Variants in LUZP2 observed in about 807,000 individuals in gnomAD.
LUZP2 encodes leucine zipper protein 2.
Under a neutral mutation model 51.6 loss-of-function variants are expected in LUZP2, and 52 were observed. The observed-to-expected ratio is 1.01, with a 90% confidence interval of 0.81 to 1.27. The LOEUF (loss-of-function observed/expected upper bound fraction) is 1.27. Ranked by LOEUF, LUZP2 falls within the 50% of genes most tolerant of loss-of-function variation. The probability of loss-of-function intolerance (pLI) is 0.00; values close to 1 mark genes in which losing one functional copy is unlikely to be tolerated. For missense variants in LUZP2, 436 were observed against 395.4 expected (o/e 1.10, Z -0.87); for synonymous variants, 154 against 137.3 (o/e 1.12, Z -0.85).
chr11:24,829,976 A>G (rs1411914117), intron 5 of LUZP2, among the ~76,000 whole-genome samples: 1 of 152,210 alleles, frequency 6.6e-6, no homozygotes, highest in Non-Finnish European at 1.5e-5. Flanking sequence ...AGATAGGGTA[A>G]CAGTGATGTT....
intron 10 of LUZP2, among the ~76,000 whole-genome samples, chr11:25,051,015 A>T (rs541387767): frequency 6.6e-6 from 1 of 152,322 alleles, no homozygotes; most frequent in Admixed American, 6.5e-5. Context: ...AATGACAACA[A>T]TTGTGTTCAA....
chr11:24,902,183 A>C (rs776303340), intron 5 of LUZP2, among the ~76,000 whole-genome samples: 38 of 152,154 alleles, frequency 2.5e-4, no homozygotes, highest in Admixed American at 2.0e-3. Flanking sequence ...GTTCAGGGGT[A>C]CATGTGCAGG....
chr11:24,969,807 G>A (rs569037496), intron 7 of LUZP2, among the ~76,000 whole-genome samples: 27 of 152,290 alleles, frequency 1.8e-4, no homozygotes, highest in African/African-American at 6.5e-4. Flanking sequence ...ATGTGAGGCA[G>A]AATGGATGAG....
In LUZP2 at chr11:24,786,318, G is replaced by A. The variant is rs1368970676; in HGVS notation, c.396+23010G>A. 33 of 980,778 alleles carry A rather than the reference G, an allele frequency of 3.4e-5. No homozygotes were observed. In the Admixed American group the frequency reaches 5.0e-4, roughly 15 times the overall value. The allele number at this position is 980,778 out of a possible 1,614,324, so 60.8% of individuals were successfully genotyped here. On this transcript the variant is annotated intron_variant, in intron 5 of 11. Transcript: ENST00000336930. The stretch of plus-strand genomic sequence containing the variant: ...ATAGTATGTTTTATTATTTTACCAC[G>A]GGAAAAAAGTAGTCAGAATTCATGG...
At chr11:24,988,924 A>AGAATTATATTTG (rs1041433973) in intron 9 of LUZP2, among the ~76,000 whole-genome samples, 1 of 151,888 alleles carries the variant, frequency 6.6e-6, no homozygotes, top group African/African-American at 2.4e-5. Context: ...CCAAGAAGAC[A>AGAATTATATTTG]CAACACAGAA....
intron 7 of LUZP2, among the ~76,000 whole-genome samples, chr11:24,934,816 A>G (rs1388987146): frequency 6.6e-6 from 1 of 152,268 alleles, no homozygotes; most frequent in East Asian, 1.9e-4. Context: ...TCATATTTGA[A>G]GTAGCTCCTA....
At chr11:24,567,281 A>G (rs1852278839) in intron 1 of LUZP2, among the ~76,000 whole-genome samples, 1 of 152,002 alleles carries the variant, frequency 6.6e-6, no homozygotes, top group Non-Finnish European at 1.5e-5. Context: ...AAACAGAGAT[A>G]ATACAATCTT....
chr11:24,681,796 A>T (rs1038491768), intron 1 of LUZP2, among the ~76,000 whole-genome samples: 3 of 152,182 alleles, frequency 2.0e-5, no homozygotes, highest in African/African-American at 7.2e-5. Context: ...TTTGTACTAT[A>T]CACTATTTAC....
At chr11:24,689,056 C>T (rs894750366) in intron 1 of LUZP2, among the ~76,000 whole-genome samples, 4 of 151,914 alleles carry the variant, frequency 2.6e-5, no homozygotes, top group Non-Finnish European at 5.9e-5. Flanking sequence ...AGGGAGAGAC[C>T]GAGGCAAGTT....
chr11:24,848,479 C>T (rs1421143475), intron 5 of LUZP2, among the ~76,000 whole-genome samples: 1 of 152,158 alleles, frequency 6.6e-6, no homozygotes, highest in Non-Finnish European at 1.5e-5. Flanking sequence ...TGCCTTGTTG[C>T]CCCTATACAT....
intron 1 of LUZP2, among the ~76,000 whole-genome samples, chr11:24,722,579 A>G (rs1290490011): frequency 6.6e-6 from 1 of 152,140 alleles, no homozygotes; most frequent in Non-Finnish European, 1.5e-5. Flanking sequence ...CCATATCAAT[A>G]TTTATATTAT....
intron 9 of LUZP2, among the ~76,000 whole-genome samples, chr11:24,998,033 T>C (rs1301743839): frequency 1.3e-5 from 2 of 152,218 alleles, no homozygotes; most frequent in Non-Finnish European, 2.9e-5. Flanking sequence ...CCTTGTAATA[T>C]AGTTTGAAGT....
intron 9 of LUZP2, among the ~76,000 whole-genome samples, chr11:25,014,177 CTT>C: frequency 6.6e-6 from 1 of 152,254 alleles, no homozygotes; most frequent in South Asian, 2.1e-4. Context: ...GGTTCCAAGT[CTT>C]TGCTATTGTG....
rs1565324744 is a variant in LUZP2 at position 25,082,618 on chromosome 11, CA to C, written c.*3962del. 6.6e-6 allele frequency: 1 copy of C among 151,878 alleles called. No homozygotes were observed. The highest frequency in any genetic ancestry group is 1.5e-5 in the Non-Finnish European group (1 of 67,936). 9.4% of individuals were successfully genotyped at this position (151,878 alleles called of 1,614,324 possible). On this transcript the variant is annotated 3_prime_UTR_variant, in exon 12 of 12. Coordinates refer to ENST00000336930, the MANE Select transcript of LUZP2 (RefSeq NM_001009909.4). ...TGCTGAAAGATGGCCTATTTTTGTT[CA>C]ATAAAGATTGTTACAAGAATACAAT...
intron 5 of LUZP2, among the ~76,000 whole-genome samples, chr11:24,768,400 G>A (rs897517273): frequency 2.2e-4 from 34 of 152,134 alleles, no homozygotes; most frequent in African/African-American, 8.2e-4. Flanking sequence ...ATAAGCCATC[G>A]CACCCTGCCA....
intron 7 of LUZP2, among the ~76,000 whole-genome samples, chr11:24,964,384 C>T (rs933703143): frequency 2.0e-5 from 3 of 152,178 alleles, no homozygotes; most frequent in South Asian, 2.1e-4. Context: ...GTGGGATAAC[C>T]ATAAATATAG....
intron 5 of LUZP2, chr11:24,831,784 A>G (rs1027874437): frequency 2.0e-5 from 3 of 152,612 alleles, no homozygotes. Context: ...AAAACTTTGG[A>G]AAGGCCAAAG....
At chr11:25,046,496 C>G (rs1385281012) in intron 9 of LUZP2, among the ~76,000 whole-genome samples, 1 of 151,998 alleles carries the variant, frequency 6.6e-6, no homozygotes, top group Non-Finnish European at 1.5e-5. Context: ...TTTACCTTCT[C>G]TTAATCCTAA....
intron 5 of LUZP2, among the ~76,000 whole-genome samples, chr11:24,837,171 A>G (rs1468560287): frequency 6.6e-6 from 1 of 151,760 alleles, no homozygotes; most frequent in Non-Finnish European, 1.5e-5. Context: ...TATGGTAATT[A>G]TGTGCCATAT....
Sources: gnomAD v4.1 joint callset for allele counts (sites outside exome capture counted in the v4.1 genomes callset) on GRCh38, gnomAD v4.1.1 for gene constraint, MANE v1.5 for transcripts, NCBI Gene and HGNC (gene_info 2026-07-23, HGNC 2026-07-21) for gene names.